The following PPIL2 variants were observed in gnomAD, a reference collection of about 807,000 sequenced individuals.
The protein encoded by PPIL2 is RING-type E3 ubiquitin-protein ligase PPIL2.
PPIL2 carries 50 observed loss-of-function variants against 75.2 expected under a neutral mutation model. The observed-to-expected ratio is 0.66, with a 90% CI of 0.53 to 0.84. The LOEUF is 0.84. PPIL2 is among the 40% of genes least tolerant of loss of function. The probability of loss-of-function intolerance (pLI) is 0.00; values close to 1 mark genes in which losing one functional copy is unlikely to be tolerated. For missense variants in PPIL2, 590 were observed against 685.0 expected, an observed-to-expected ratio of 0.86 and a Z score of 1.55; for synonymous variants, 245 against 258.8, an observed-to-expected ratio of 0.95 and a Z score of 0.51.
chr22:21,676,988 C>T (rs2066890688), intron 6 of PPIL2, among the ~76,000 whole-genome samples: 1 of 149,858 alleles, frequency 6.7e-6, no homozygotes, highest in African/African-American at 2.5e-5. Flanking sequence ...CGGGGGCTGC[C>T]CCCCACCTCC....
intron 7 of PPIL2, 87 bp from the exon 8 acceptor site, chr22:21,682,350 C>T (rs1186154275): frequency 1.2e-5 from 14 of 1,146,172 alleles, no homozygotes; most frequent in African/African-American, 1.1e-4. Context: ...GTGCCATGGT[C>T]GGGGCCAGCT....
chr22:21,681,201 C>T, intron 6 of PPIL2, 98 bp from the exon 7 acceptor site: 2 of 994,890 alleles, frequency 2.0e-6, no homozygotes, highest in Admixed American at 1.8e-5. Flanking sequence ...CCATCGCTGA[C>T]TTTGGAGTTC....
At chr22:21,676,125 G>A (rs1449596840) in intron 6 of PPIL2, among the ~76,000 whole-genome samples, 2 of 152,162 alleles carry the variant, frequency 1.3e-5, no homozygotes, top group South Asian at 2.1e-4. Flanking sequence ...GTCCCCAGTC[G>A]GTGCAGCATT....
At chr22:21,676,167 G>A (rs1601525196) in intron 6 of PPIL2, among the ~76,000 whole-genome samples, 4 of 152,232 alleles carry the variant, frequency 2.6e-5, no homozygotes, top group South Asian at 4.2e-4. Flanking sequence ...ACCTCAGCAC[G>A]TCATTGACGT....
intron 12 of PPIL2, 42 bp downstream of exon 12, chr22:21,687,040 C>G: frequency 6.5e-7 from 1 of 1,549,224 alleles, no homozygotes; most frequent in Non-Finnish European, 8.9e-7. Context: ...CCAAGGTCAT[C>G]TCTGGGTCAT....
At chr22:21,694,069 C>A (rs2067802431) in intron 16 of PPIL2, among the ~76,000 whole-genome samples, 197 bp downstream of exon 16, 1 of 152,206 alleles carries the variant, frequency 6.6e-6, no homozygotes, top group South Asian at 2.1e-4. Context: ...TCTAGACCCA[C>A]CGGGCTCAGG....
chr22:21,686,645 T>A (rs2067375040), intron 11 of PPIL2, 87 bp downstream of exon 11: 1 of 1,368,096 alleles, frequency 7.3e-7, no homozygotes, highest in African/African-American at 1.4e-5. Flanking sequence ...ACTTTATTGG[T>A]CTGTCAGGGG....
At chr22:21,698,589 T>C (rs553065026), downstream of PPIL2, 1 of 152,356 alleles carries the variant, frequency 6.6e-6, no homozygotes, top group African/African-American at 2.4e-5. Flanking sequence ...GGGAGAGGAA[T>C]GAAGACTCAC....
At position 21,696,299 on chromosome 22, in the gene PPIL2, C is replaced by T; in HGVS notation, c.*809C>T. The stretch of plus-strand genomic sequence containing the variant: ...CTCAAGCCTGCCTGGCGTCTCTGTG[C>T]CCCTGTGAGAATCTTGAGGGGACCC... On this transcript the variant is annotated 3_prime_UTR_variant, in exon 20 of 20. Coordinates refer to ENST00000398831, the MANE Select transcript of PPIL2 (RefSeq NM_014337.4). 4.8e-6 allele frequency: 5 copies of T among 1,047,546 alleles called. No individual in the cohort carries two copies. Among genetic ancestry groups the T allele is most frequent in the Non-Finnish European group, 5.8e-6 (5 of 867,392 alleles). 64.9% of individuals were successfully genotyped at this position (1,047,546 alleles called of 1,614,324 possible).
Position 21,681,284 on chromosome 22 carries a change from G to A in PPIL2, c.296-15G>A, listed in dbSNP as rs1224368588. On this transcript the variant is annotated splice_polypyrimidine_tract_variant and intron_variant, in intron 6 of 19. Coordinates refer to ENST00000398831, the MANE Select transcript of PPIL2 (RefSeq NM_014337.4). ...ACAGAGGTGACTGGCCTCCCTGTGT[G>A]TGCCTTCTCTCTAGGGAAGTACCAC... is the stretch of plus-strand genomic sequence containing the variant. 6.3e-7 allele frequency: 1 copy of A among 1,599,154 alleles called. No individual in the cohort carries two copies. The highest frequency in any genetic ancestry group is 1.3e-5 in the African/African-American group (1 of 74,726).
At chr22:21,671,604 C>T (rs1437930887) in intron 4 of PPIL2, among the ~76,000 whole-genome samples, 1 of 151,790 alleles carries the variant, frequency 6.6e-6, no homozygotes, top group Non-Finnish European at 1.5e-5. Flanking sequence ...GACAGGGTCT[C>T]ACTATGTTGC....
chr22:21,695,147 G>A (rs2067865180), intron 19 of PPIL2, 77 bp downstream of exon 19: 1 of 1,473,990 alleles, frequency 6.8e-7, no homozygotes, highest in African/African-American at 1.4e-5. Flanking sequence ...GTCAGACCCA[G>A]AGGGGCAAGC....
intron 6 of PPIL2, among the ~76,000 whole-genome samples, chr22:21,675,634 A>G (rs548255581): frequency 9.2e-5 from 14 of 152,372 alleles, no homozygotes; most frequent in South Asian, 6.2e-4. Flanking sequence ...ACTTCCCACA[A>G]AGGCGATCAG....
Position 21,675,151 on chromosome 22 carries a change from C to T in PPIL2, c.295+36C>T. ...CTATCACAGCCAATTCTGGGCTTGA[C>T]CTGCAGACCCAAGGGCCCAGCTCTC... On this transcript the variant is annotated intron_variant, in intron 6 of 19. Transcript: ENST00000398831. 4 of 1,570,890 alleles carry T rather than the reference C, an allele frequency of 2.5e-6. No individual in the cohort carries two copies. In the South Asian group the frequency reaches 4.4e-5, roughly 17 times the overall value.
Position 21,681,365 on chromosome 22 carries a change from C to G in PPIL2, c.362C>G (p.Thr121Arg), listed in dbSNP as rs1361989641. The G allele has an allele frequency of 3.1e-6, 5 of 1,613,880 alleles. No homozygotes were observed. Among genetic ancestry groups the G allele is most frequent in the Non-Finnish European group, 4.2e-6 (5 of 1,179,852 alleles). The change falls in exon 7 of 20, where the codon ACG becomes AGG. Residue 121 changes from threonine to arginine, a missense_variant. Transcript: ENST00000398831. ...TNNTHIVAVRTTGNVYAYEAV... is the reference protein window; with the variant it reads ...TNNTHIVAVRRTGNVYAYEAV... ...AACACCCACATCGTGGCTGTGAGGA[C>G]GACCGGCAACGTCTACGCCTATGAG...
chr22:21,670,835 A>C, intron 3 of PPIL2, 162 bp from the exon 4 acceptor site: 1 of 869,588 alleles, frequency 1.1e-6, no homozygotes, highest in Non-Finnish European at 1.9e-6. Context: ...CACAAACACT[A>C]TTGTAGTTGG....
At chr22:21,668,083 C>T (rs1322078057) in intron 1 of PPIL2, among the ~76,000 whole-genome samples, 1 of 151,818 alleles carries the variant, frequency 6.6e-6, no homozygotes, top group East Asian at 1.9e-4. Context: ...GGCCAGACAT[C>T]TCGAATTTAA....
In PPIL2 at chr22:21,682,518, A is replaced by T. The variant is rs768546400; in HGVS notation, c.469A>T (p.Thr157Ser). The T allele has an allele frequency of 1.3e-6, 2 of 1,591,996 alleles. No individual in the cohort carries two copies. Among genetic ancestry groups the T allele is most frequent in the Non-Finnish European group, 1.7e-6 (2 of 1,170,490 alleles). The change falls in exon 8 of 20, where the codon ACC becomes TCC. Residue 157 changes from threonine to serine, a missense_variant. Physicochemically the swap from Thr to Ser is moderately conservative, Grantham distance 58 (BLOSUM62 1). Coordinates refer to ENST00000398831, the MANE Select transcript of PPIL2 (RefSeq NM_014337.4). ...DEPFSRQDIITLQDPTNLDKF... is the reference protein window; with the variant it reads ...DEPFSRQDIISLQDPTNLDKF... The stretch of plus-strand genomic sequence containing the variant: ...GCCCTTCTCCCGGCAGGACATCATC[A>T]CCCTCCAGGTGAGTGTCCCCTGCCT...
chr22:21,687,583 C>T (rs1374972409), intron 12 of PPIL2, 60 bp from the exon 13 acceptor site: 3 of 599,794 alleles, frequency 5.0e-6, no homozygotes, highest in Non-Finnish European at 8.7e-6. Context: ...CCTCCTGTGG[C>T]TGTGGTGAGC....
Sources: allele counts gnomAD v4.1 joint callset (sites outside exome capture counted in the v4.1 genomes callset), GRCh38; gene constraint gnomAD v4.1.1; transcripts MANE v1.5; gene names NCBI Gene and HGNC (gene_info 2026-07-23, HGNC 2026-07-21).